Variants in WWP1 observed in about 807,000 individuals in gnomAD.
WWP1 encodes WW domain containing E3 ubiquitin protein ligase 1.
Under a neutral mutation model 130.6 loss-of-function variants are expected in WWP1, and 49 were observed. The observed-to-expected ratio is 0.38, with a 90% CI of 0.30 to 0.48. The LOEUF is 0.48. Among genes scored for constraint, WWP1 ranks in the 20% least tolerant of loss-of-function variants. The pLI is 0.99. For missense variants in WWP1, 809 were observed against 1,100.6 expected, an observed-to-expected ratio of 0.74 and a Z score of 3.75; for synonymous variants, 332 against 367.8, an observed-to-expected ratio of 0.90 and a Z score of 1.11.
chr8:86,457,349 A>G (rs1221995285), intron 21 of WWP1, among the ~76,000 whole-genome samples: 1 of 151,914 alleles, frequency 6.6e-6, no homozygotes, highest in Non-Finnish European at 1.5e-5. Flanking sequence ...ATTTTTAAAA[A>G]TGAGAACCAG....
intron 3 of WWP1, among the ~76,000 whole-genome samples, chr8:86,379,800 A>C (rs1273843202): frequency 1.3e-5 from 2 of 152,226 alleles, no homozygotes; most frequent in Non-Finnish European, 2.9e-5. Context: ...TCAGAAAGAC[A>C]AGTTAATAGT....
intron 4 of WWP1, 108 bp from the exon 5 acceptor site, chr8:86,381,397 A>G (rs1024611298): frequency 1.5e-6 from 2 of 1,311,378 alleles, no homozygotes; most frequent in Admixed American, 5.5e-5. Flanking sequence ...AATGAAATTC[A>G]CGGTTTTTAA....
chr8:86,343,061 T>G (rs905252277), intron 1 of WWP1, 131 bp downstream of exon 1: 9 of 289,430 alleles, frequency 3.1e-5, no homozygotes, highest in African/African-American at 2.0e-4. Context: ...CTAGGACCCG[T>G]CGGGGGACGG....
intron 24 of WWP1, among the ~76,000 whole-genome samples, chr8:86,462,883 A>G (rs934964360): frequency 6.6e-6 from 1 of 152,130 alleles, no homozygotes; most frequent in Non-Finnish European, 1.5e-5. Context: ...TTTAAAGAAA[A>G]AAAAAAAAAA....
intron 5 of WWP1, among the ~76,000 whole-genome samples, chr8:86,386,583 A>G (rs1329557298): frequency 2.0e-5 from 3 of 152,100 alleles, no homozygotes; most frequent in Non-Finnish European, 4.4e-5. Context: ...TTACTTAACT[A>G]TCCTTACCTT....
At chr8:86,388,618 T>C (rs374424758) in intron 5 of WWP1, among the ~76,000 whole-genome samples, 1 of 152,212 alleles carries the variant, frequency 6.6e-6, no homozygotes, top group East Asian at 1.9e-4. Flanking sequence ...CTGGTTTTGA[T>C]TGATACTGTT....
intron 10 of WWP1, among the ~76,000 whole-genome samples, chr8:86,425,680 AAATGACTTAAAGGCCCAAATGATTT>A (rs1809582643): frequency 1.3e-5 from 2 of 152,242 alleles, no homozygotes; most frequent in Admixed American, 6.5e-5. Context: ...CTTAAATATT[AAATGACTTAAAGGCCCAAATGATTT>A]AATGACTTAA....
intron 5 of WWP1, among the ~76,000 whole-genome samples, chr8:86,392,374 G>A (rs760730271): frequency 6.6e-6 from 1 of 152,168 alleles, no homozygotes; most frequent in Non-Finnish European, 1.5e-5. Flanking sequence ...TTGAGGCGGA[G>A]AGAACCACTT....
intron 2 of WWP1, among the ~76,000 whole-genome samples, chr8:86,369,497 G>T (rs531615102): frequency 6.6e-6 from 1 of 152,222 alleles, no homozygotes; most frequent in Non-Finnish European, 1.5e-5. Context: ...TAGATTGGGG[G>T]TGGGGATCAG....
At chr8:86,450,369 A>G (rs530502010) in intron 20 of WWP1, among the ~76,000 whole-genome samples, 5 of 152,334 alleles carry the variant, frequency 3.3e-5, no homozygotes, top group Non-Finnish European at 7.4e-5. Flanking sequence ...GGAAAAAAAC[A>G]GTAACACTAT....
At chr8:86,412,026 A>G (rs921639800) in intron 9 of WWP1, 152 bp downstream of exon 9, 1 of 794,032 alleles carries the variant, frequency 1.3e-6, no homozygotes, top group African/African-American at 1.7e-5. Context: ...TTGCTACAAA[A>G]CAAGTACTTT....
chr8:86,403,430 G>T (rs1399665290), intron 8 of WWP1, among the ~76,000 whole-genome samples: 2 of 152,012 alleles, frequency 1.3e-5, no homozygotes, highest in Admixed American at 1.3e-4. Context: ...TGAGTAGCTG[G>T]GATTACAGGT....
At chr8:86,391,003 A>G (rs1268726278) in intron 5 of WWP1, among the ~76,000 whole-genome samples, 2 of 151,442 alleles carry the variant, frequency 1.3e-5, no homozygotes, top group Non-Finnish European at 2.9e-5. Context: ...TATATTTTCT[A>G]TTTTTGAAGT....
chr8:86,446,819 G>A (rs1482491164), intron 18 of WWP1, among the ~76,000 whole-genome samples: 1 of 152,148 alleles, frequency 6.6e-6, no homozygotes, highest in East Asian at 1.9e-4. Flanking sequence ...GCTTGAGTTG[G>A]AGAGAGGAGG....
chr8:86,460,880 G>A (rs1811731562), intron 22 of WWP1, among the ~76,000 whole-genome samples: 1 of 125,760 alleles, frequency 8.0e-6, no homozygotes, highest in Non-Finnish European at 1.6e-5. Context: ...CGTGATCTTG[G>A]CTCACTACAA....
intron 1 of WWP1, among the ~76,000 whole-genome samples, chr8:86,356,220 A>G (rs1362472019): frequency 6.6e-6 from 1 of 152,136 alleles, no homozygotes; most frequent in Non-Finnish European, 1.5e-5. Context: ...TAAGTGTATG[A>G]AGTCTTGGGC....
chr8:86,400,480 G>A (rs565048505), intron 7 of WWP1, among the ~76,000 whole-genome samples: 40 of 152,226 alleles, frequency 2.6e-4, no homozygotes, highest in Non-Finnish European at 5.3e-4. Flanking sequence ...AGATGCCAAG[G>A]AATCATCTCT....
rs1011927449 is a variant in WWP1 at position 86,448,244 on chromosome 8, A to G, written c.2095A>G (p.Ile699Val). ...KKLTIKDLES[I>V]DTEFYNSLIW... ...ACTTACTATTAAGGATTTGGAATCT[A>G]TTGATACTGAATTTTATAACTCCCT... The change falls in exon 19 of 25, where the codon ATT becomes GTT. Residue 699 changes from isoleucine to valine, a missense_variant. Physicochemically the swap from Ile to Val is conservative, Grantham distance 29. Coordinates refer to ENST00000517970, the MANE Select transcript of WWP1 (RefSeq NM_007013.4). 6 of 1,583,712 alleles carry G rather than the reference A, an allele frequency of 3.8e-6. No individual in the cohort carries two copies. In the Admixed American group the frequency reaches 6.0e-5, roughly 16 times the overall value.
At chr8:86,365,851 A>G (rs1332669245) in intron 1 of WWP1, among the ~76,000 whole-genome samples, 1 of 152,202 alleles carries the variant, frequency 6.6e-6, no homozygotes, top group African/African-American at 2.4e-5. Flanking sequence ...CCAAATAGTT[A>G]GATGTATACA....
Sources: allele counts gnomAD v4.1 joint callset (sites outside exome capture counted in the v4.1 genomes callset), GRCh38; gene constraint gnomAD v4.1.1; transcripts MANE v1.5; gene names NCBI Gene and HGNC (gene_info 2026-07-23, HGNC 2026-07-21).